The following ZNF717 variants were observed in gnomAD, a reference collection of about 807,000 sequenced individuals.
The protein encoded by ZNF717 is krueppel-like factor X17.
A neutral mutation model predicts 13.8 loss-of-function variants in ZNF717; 9 were observed. The observed-to-expected ratio is 0.65, with a 90% CI of 0.39 to 1.14. The LOEUF (loss-of-function observed/expected upper bound fraction) is 1.14. Ranked by LOEUF, ZNF717 falls within the 50% of genes most tolerant of loss-of-function variation. The probability of loss-of-function intolerance (pLI) is 0.01; values close to 1 mark genes in which losing one functional copy is unlikely to be tolerated. For missense variants in ZNF717, 1,040 were observed against 1,080.7 expected, an observed-to-expected ratio of 0.96 and a Z score of 0.53; for synonymous variants, 327 against 364.1, an observed-to-expected ratio of 0.90 and a Z score of 1.16.
At chr3:75,779,866 A>G (rs1485120439) in intron 2 of ZNF717, among the ~76,000 whole-genome samples, 1 of 152,044 alleles carries the variant, frequency 6.6e-6, no homozygotes, top group Non-Finnish European at 1.5e-5. Context: ...CTAAAACCGG[A>G]ACCCAAAACA....
At chr3:75,716,887 A>G (rs1938066346) in intron 4 of ZNF717, among the ~76,000 whole-genome samples, 1 of 152,218 alleles carries the variant, frequency 6.6e-6, no homozygotes, top group Non-Finnish European at 1.5e-5. Flanking sequence ...TTTTCATCCA[A>G]AGGATCCACC....
chr3:75,747,244 G>A (rs1191655465), intron 2 of ZNF717, among the ~76,000 whole-genome samples: 4 of 152,146 alleles, frequency 2.6e-5, no homozygotes, highest in Admixed American at 2.0e-4. Context: ...CCAGTACCAT[G>A]CTGTTTTGGT....
At chr3:75,758,219 G>A (rs1247612306) in intron 2 of ZNF717, among the ~76,000 whole-genome samples, 2 of 151,870 alleles carry the variant, frequency 1.3e-5, no homozygotes, top group Non-Finnish European at 2.9e-5. Context: ...GGAAGTAACT[G>A]CAGATATAGT....
intron 2 of ZNF717, among the ~76,000 whole-genome samples, chr3:75,751,581 C>T (rs1431718826): frequency 3.3e-5 from 5 of 150,422 alleles, no homozygotes; most frequent in African/African-American, 4.9e-5. Flanking sequence ...CACCAGAACA[C>T]GCCTGTTGTG....
At chr3:75,747,874 A>G (rs866075526) in intron 2 of ZNF717, among the ~76,000 whole-genome samples, 4 of 152,162 alleles carry the variant, frequency 2.6e-5, no homozygotes, top group Admixed American at 1.3e-4. Context: ...GAGACATAAA[A>G]AACCCTTCAA....
At chr3:75,731,841 C>T (rs1266990530), downstream of ZNF717, among the ~76,000 whole-genome samples, 14 of 152,384 alleles carry the variant, frequency 9.2e-5, no homozygotes, top group African/African-American at 3.4e-4. Context: ...ATAGGGCAAA[C>T]CACTGCCCCC....
downstream of ZNF717, among the ~76,000 whole-genome samples, chr3:75,725,364 C>T (rs1575724712): frequency 6.6e-6 from 1 of 152,326 alleles, no homozygotes; most frequent in Admixed American, 6.5e-5. Flanking sequence ...TGATTCAGCT[C>T]CTGTTCACAA....
At position 75,739,202 on chromosome 3, in the gene ZNF717, C is replaced by A. The variant is rs1940005724; in HGVS notation, c.421G>T (p.Val141Phe). ...GKTFNLNSNH[V>F]LNLIINNGNS... ...CCATTATTTATAATCAGATTTAAAA[C>A]ATGGTTTGAGTTCAAATTAAATGTT... Residue 141 changes from valine (V) to phenylalanine (F), a missense_variant, in exon 5 of 5, where the codon GTT becomes TTT. Physicochemically the swap from Val to Phe is conservative, Grantham distance 50. Around this residue, in one of 3 missense-constraint regions of ZNF717, gnomAD observed 123 missense variants for 177.8 expected, o/e 0.69. Transcript: ENST00000652011. 51 of 1,550,948 alleles carry A rather than the reference C, an allele frequency of 3.3e-5. 1 individual carries two copies. The South Asian group carries it at 6.1e-4, about 18-fold the overall frequency.
At chr3:75,697,293 T>C (rs1257522292) in intron 6 of ZNF717, among the ~76,000 whole-genome samples, 1 of 152,168 alleles carries the variant, frequency 6.6e-6, no homozygotes, top group African/African-American at 2.4e-5. Flanking sequence ...TAAAGACTCC[T>C]CTGATAAGGT....
intron 2 of ZNF717, among the ~76,000 whole-genome samples, chr3:75,780,551 A>G (rs532987931): frequency 1.3e-5 from 2 of 149,172 alleles, no homozygotes; most frequent in South Asian, 2.1e-4. Context: ...ACAGGTGCCC[A>G]CCACCACGCT....
intron 6 of ZNF717, among the ~76,000 whole-genome samples, chr3:75,696,235 ACAACTTAC>A (rs1937601001): frequency 6.6e-6 from 1 of 152,300 alleles, no homozygotes; most frequent in Non-Finnish European, 1.5e-5. Flanking sequence ...TTAGACAAAC[ACAACTTAC>A]CAAGATTGAA....
intron 2 of ZNF717, among the ~76,000 whole-genome samples, chr3:75,768,367 G>GT: frequency 8.2e-6 from 1 of 121,476 alleles, no homozygotes; most frequent in Non-Finnish European, 1.9e-5. Flanking sequence ...GTGTGGGGGG[G>GT]GGGGGTAGAT....
At position 75,741,613 on chromosome 3, in the gene ZNF717, A is replaced by G. The variant is rs1305810627; in HGVS notation, c.181T>C (p.Leu61=). 14 of 1,610,026 alleles carry G rather than the reference A, an allele frequency of 8.7e-6. No individual in the cohort carries two copies. The highest frequency in any genetic ancestry group is 2.7e-5 in the African/African-American group (2 of 74,858). The change falls in exon 3 of 5, where the codon TTG becomes CTG. Residue 61 remains leucine, a synonymous_variant. Transcript: ENST00000652011. ...GTTACTGGCAAGTTTCACTCACCCA[A>G]TGATACCAGGCTGCTGTAGGTCTCC... ...MLETYSSLVS[L]GHYITKPEMI...
rs1416336392 is a variant in ZNF717 at position 75,738,910 on chromosome 3, T to C, written c.713A>G (p.Lys238Arg). The C allele has an allele frequency of 5.8e-6, 9 of 1,551,562 alleles. No individual in the cohort carries two copies. The highest frequency in any genetic ancestry group is 4.4e-6 in the Non-Finnish European group (5 of 1,146,972). The change falls in exon 5 of 5, where the codon AAA becomes AGA. Residue 238 changes from lysine to arginine, a missense_variant. Physicochemically the swap from Lys to Arg is conservative, Grantham distance 26. Around this residue, in one of 3 missense-constraint regions of ZNF717, gnomAD observed 873 missense variants for 832.8 expected, o/e 1.05. Transcript: ENST00000652011. ...KRVHIVQTFG[K>R]YNEYEKACNN... Reference sequence around the variant, plus strand: ...ACAGGCTTTCTCATATTCATTATATTTACCAAAGGTCTGTACTATATGAAC... The same window carrying C: ...ACAGGCTTTCTCATATTCATTATATCTACCAAAGGTCTGTACTATATGAAC...
intron 2 of ZNF717, among the ~76,000 whole-genome samples, chr3:75,773,853 C>G (rs1026963499): frequency 6.6e-6 from 1 of 152,114 alleles, no homozygotes; most frequent in African/African-American, 2.4e-5. Context: ...AGTTCAGGGC[C>G]AGCCTGACCA....
intron 2 of ZNF717, among the ~76,000 whole-genome samples, chr3:75,750,854 C>T (rs1941708665): frequency 6.6e-6 from 1 of 151,152 alleles, no homozygotes; most frequent in East Asian, 2.0e-4. Flanking sequence ...CATAGGATTC[C>T]AGAAGACTGC....
At chr3:75,760,965 C>A (rs1479255426) in intron 2 of ZNF717, among the ~76,000 whole-genome samples, 1 of 151,996 alleles carries the variant, frequency 6.6e-6, no homozygotes, top group African/African-American at 2.4e-5. Flanking sequence ...GACAGTACAA[C>A]AGATGCCACA....
downstream of ZNF717, among the ~76,000 whole-genome samples, chr3:75,727,625 A>C (rs1342790426): frequency 6.6e-6 from 1 of 152,348 alleles, no homozygotes; most frequent in East Asian, 1.9e-4. Context: ...GGATTGGGAA[A>C]TTCCAGCCTG....
At chr3:75,697,284 A>G in intron 6 of ZNF717, among the ~76,000 whole-genome samples, 1 of 152,428 alleles carries the variant, frequency 6.6e-6, no homozygotes, top group Admixed American at 6.5e-5. Flanking sequence ...GCAAAAACAT[A>G]AAGACTCCTC....
Sources: allele counts gnomAD v4.1 joint callset (sites outside exome capture counted in the v4.1 genomes callset), GRCh38; gene constraint gnomAD v4.1.1; regional missense constraint gnomAD v4.1.1; transcripts MANE v1.5; gene names NCBI Gene and HGNC (gene_info 2026-07-23, HGNC 2026-07-21).